The following CRYBG1 variants were observed in gnomAD, a reference collection of about 807,000 sequenced individuals.
CRYBG1 encodes beta/gamma crystallin domain-containing protein 1.
Under a neutral mutation model 189.2 loss-of-function variants are expected in CRYBG1, and 139 were observed. That is an observed-to-expected ratio of 0.73 (90% confidence interval 0.64 to 0.85). CRYBG1 has a LOEUF of 0.85. CRYBG1 is among the 40% of genes least tolerant of loss of function. The probability of loss-of-function intolerance (pLI) is 0.00; values close to 1 mark genes in which losing one functional copy is unlikely to be tolerated. For missense variants in CRYBG1, 2,611 were observed against 2,675.8 expected (o/e 0.98, Z 0.53); for synonymous variants, 1,023 against 1,017.1 (o/e 1.01, Z -0.11).
chr6:106,543,237 C>T (rs1774176076), intron 10 of CRYBG1, among the ~76,000 whole-genome samples: 1 of 152,100 alleles, frequency 6.6e-6, no homozygotes, highest in Admixed American at 6.6e-5. Flanking sequence ...ACCATATTGG[C>T]CAGGCTGGTC....
At chr6:106,437,721 G>GCTA (rs1771487154) in intron 1 of CRYBG1, among the ~76,000 whole-genome samples, 1 of 152,230 alleles carries the variant, frequency 6.6e-6, no homozygotes, top group Non-Finnish European at 1.5e-5. Context: ...ACAGGCATGA[G>GCTA]CTACTGCACC....
intron 1 of CRYBG1, among the ~76,000 whole-genome samples, chr6:106,447,709 T>C (rs1771693718): frequency 6.6e-6 from 1 of 152,098 alleles, no homozygotes; most frequent in Non-Finnish European, 1.5e-5. Flanking sequence ...TAGGGAGACT[T>C]ATCTATGTGT....
chr6:106,534,751 G>A (rs1487056699), intron 8 of CRYBG1, among the ~76,000 whole-genome samples: 4 of 152,124 alleles, frequency 2.6e-5, no homozygotes, highest in Non-Finnish European at 5.9e-5. Context: ...TTTCTTTTAA[G>A]CAGCTGGCTA....
At chr6:106,545,209 T>C (rs1336624003) in intron 13 of CRYBG1, among the ~76,000 whole-genome samples, 1 of 152,192 alleles carries the variant, frequency 6.6e-6, no homozygotes, top group Non-Finnish European at 1.5e-5. Flanking sequence ...CACAGAAAGA[T>C]AGTGAATTTT....
In CRYBG1 at chr6:106,491,000, C is replaced by T. The variant is rs143533942; in HGVS notation, c.313-20430C>T. Among the ~76,000 whole-genome samples, 307 of 152,294 alleles carry T rather than the reference C, an allele frequency of 2.0e-3. 5 individuals carry two copies. The East Asian group carries it at 0.051, about 25-fold the overall frequency. ...TAATTGCTGTGTGATATTAATTTAA[C>T]GAAGCCTCCTCTTGCAAGAGAATTT... On this transcript the variant is annotated intron_variant, in intron 2 of 21. Transcript: ENST00000633556.
intron 17 of CRYBG1, 136 bp from the exon 18 acceptor site, chr6:106,558,350 C>G: frequency 1.5e-6 from 1 of 652,566 alleles, no homozygotes; most frequent in Non-Finnish European, 2.5e-6. Context: ...ATCCAGGCTC[C>G]CTTGGAAAAG....
intron 7 of CRYBG1, among the ~76,000 whole-genome samples, chr6:106,529,311 G>T (rs1198709537): frequency 1.3e-5 from 2 of 152,108 alleles, no homozygotes; most frequent in African/African-American, 4.8e-5. Context: ...CATGTTAAAG[G>T]GCTATGATAT....
intron 13 of CRYBG1, among the ~76,000 whole-genome samples, chr6:106,547,269 G>C (rs1774286146): frequency 6.6e-6 from 1 of 152,110 alleles, no homozygotes; most frequent in South Asian, 2.1e-4. Context: ...CCAGGGCCAG[G>C]TGCTTCCTCA....
intron 8 of CRYBG1, among the ~76,000 whole-genome samples, chr6:106,538,033 T>C (rs564249004): frequency 6.6e-6 from 1 of 152,296 alleles, no homozygotes; most frequent in South Asian, 2.1e-4. Flanking sequence ...AAAGATTTCA[T>C]TTACAGCCAC....
chr6:106,544,969 C>A (rs2066201), intron 13 of CRYBG1, 36 bp downstream of exon 13: 2 of 1,571,952 alleles, frequency 1.3e-6, no homozygotes, highest in Non-Finnish European at 1.7e-6. Flanking sequence ...TTTAAACATG[C>A]GTTTTACCTT....
intron 1 of CRYBG1, among the ~76,000 whole-genome samples, chr6:106,409,184 T>C (rs1207610677): frequency 1.3e-5 from 2 of 152,196 alleles, no homozygotes; most frequent in South Asian, 2.1e-4. Flanking sequence ...AGTCTCAGGA[T>C]ACAAAATCAA....
At chr6:106,458,796 G>C (rs1184458916) in intron 2 of CRYBG1, among the ~76,000 whole-genome samples, 1 of 152,090 alleles carries the variant, frequency 6.6e-6, no homozygotes, top group Non-Finnish European at 1.5e-5. Flanking sequence ...CCCGCACATG[G>C]GACGTGGAGG....
chr6:106,366,421 G>A (rs1771999805), intron 1 of CRYBG1, among the ~76,000 whole-genome samples: 2 of 152,198 alleles, frequency 1.3e-5, no homozygotes, highest in Admixed American at 1.3e-4. Context: ...TGGGAAGTTA[G>A]TTTACCCCGA....
intron 1 of CRYBG1, among the ~76,000 whole-genome samples, chr6:106,402,778 G>T (rs1770745361): frequency 6.6e-6 from 1 of 152,132 alleles, no homozygotes; most frequent in African/African-American, 2.4e-5. Context: ...CTGAGGAAAT[G>T]ACCACCGAGC....
At chr6:106,492,721 A>G (rs972865448) in intron 2 of CRYBG1, among the ~76,000 whole-genome samples, 1 of 151,542 alleles carries the variant, frequency 6.6e-6, no homozygotes, top group African/African-American at 2.5e-5. Context: ...TATTATAACA[A>G]TATCCCCTTG....
Position 106,521,253 on chromosome 6 carries a change from C to T in CRYBG1, c.4045C>T (p.Leu1349=). 6.2e-7 allele frequency: 1 copy of T among 1,613,958 alleles called. No individual in the cohort carries two copies. The highest frequency in any genetic ancestry group is 8.5e-7 in the Non-Finnish European group (1 of 1,179,964). The change falls in exon 4 of 22, where the codon CTA becomes TTA. Residue 1349 remains leucine, a synonymous_variant. Coordinates refer to ENST00000633556, the MANE Select transcript of CRYBG1 (RefSeq NM_001371242.2). ...TKEDLDSRSN[L]HLPETKFSEL... ...AGAAGATCTGGATTCACGAAGCAACCTACACTTGCCAGAAACTAAATTTTC... is the reference window on the plus strand; with the variant it reads ...AGAAGATCTGGATTCACGAAGCAACTTACACTTGCCAGAAACTAAATTTTC...
intron 1 of CRYBG1, among the ~76,000 whole-genome samples, chr6:106,436,295 CTTTTTTT>C (rs56333625): frequency 0.6 from 84,250 of 140,882 alleles, 24,708 homozygotes; most frequent in East Asian, 0.76. Flanking sequence ...CATGCAATCT[CTTTTTTT>C]TTTTTTTTTT....
chr6:106,452,880 G>T (rs1313751812), intron 2 of CRYBG1, among the ~76,000 whole-genome samples: 1 of 152,188 alleles, frequency 6.6e-6, no homozygotes, highest in Non-Finnish European at 1.5e-5. Context: ...AGCTAGTTTA[G>T]CTGCCAGGCC....
chr6:106,526,544 G>C (rs1293718867), intron 6 of CRYBG1, among the ~76,000 whole-genome samples: 1 of 152,092 alleles, frequency 6.6e-6, no homozygotes, highest in Non-Finnish European at 1.5e-5. Context: ...TTATTAAAAT[G>C]CTTTCCATTA....
Sources: allele counts gnomAD v4.1 joint callset (sites outside exome capture counted in the v4.1 genomes callset), GRCh38; gene constraint gnomAD v4.1.1; transcripts MANE v1.5; gene names NCBI Gene and HGNC (gene_info 2026-07-23, HGNC 2026-07-21).